Variants in CADPS2 observed in about 807,000 individuals in gnomAD.
CADPS2 encodes the protein calcium-dependent secretion activator 2.
CADPS2 carries 93 observed loss-of-function variants against 172.5 expected under a neutral mutation model. The ratio of observed to expected loss-of-function variants is 0.54; its 90% CI spans 0.46 to 0.64. The LOEUF is 0.64. Ranked by LOEUF, CADPS2 falls within the 30% of genes least tolerant of loss-of-function variation. The pLI, the probability that CADPS2 is intolerant of heterozygous loss-of-function variation, is 0.00. For synonymous variants in CADPS2, 546 were observed against 555.2 expected (o/e 0.98, Z 0.23); for missense variants, 1,420 against 1,565.9 (o/e 0.91, Z 1.57).
chr7:122,849,244 G>GC, intron 1 of CADPS2, among the ~76,000 whole-genome samples: 1 of 152,280 alleles, frequency 6.6e-6, no homozygotes, highest in South Asian at 2.1e-4. Context: ...TACAAAGAAC[G>GC]TTGGAACATT....
chr7:122,541,864 TA>T (rs1563649437), intron 8 of CADPS2, among the ~76,000 whole-genome samples: 17 of 130,604 alleles, frequency 1.3e-4, no homozygotes, highest in African/African-American at 3.8e-4. Context: ...TATTTATATA[TA>T]TGCATATATA....
At chr7:122,385,593 GT>G (rs1442037024) in intron 24 of CADPS2, among the ~76,000 whole-genome samples, 1 of 152,022 alleles carries the variant, frequency 6.6e-6, no homozygotes, top group Non-Finnish European at 1.5e-5. Context: ...GTATACACTA[GT>G]CAATCCTTTA....
intron 1 of CADPS2, among the ~76,000 whole-genome samples, chr7:122,749,350 A>G (rs1008166731): frequency 2.0e-5 from 3 of 152,086 alleles, no homozygotes; most frequent in African/African-American, 7.2e-5. Context: ...GATTTGTGAG[A>G]GAAGAAGGGT....
intron 1 of CADPS2, among the ~76,000 whole-genome samples, chr7:122,764,437 G>A (rs1195535225): frequency 1.3e-5 from 2 of 152,092 alleles, no homozygotes; most frequent in Non-Finnish European, 2.9e-5. Context: ...TTCCTACAAT[G>A]TGCCAAGCGT....
At chr7:122,547,073 TG>T (rs1388026571) in intron 8 of CADPS2, among the ~76,000 whole-genome samples, 1 of 136,324 alleles carries the variant, frequency 7.3e-6, no homozygotes, top group Non-Finnish European at 1.6e-5. Context: ...AAATCTAGGG[TG>T]TTTTTTTTTT....
At chr7:122,771,247 A>G (rs1198665512) in intron 1 of CADPS2, among the ~76,000 whole-genome samples, 5 of 152,204 alleles carry the variant, frequency 3.3e-5, no homozygotes, top group Non-Finnish European at 7.3e-5. Context: ...GTTGAAAGTC[A>G]CTGAAGGATT....
chr7:122,350,035 A>G (rs1057353224), intron 27 of CADPS2, among the ~76,000 whole-genome samples: 2 of 152,250 alleles, frequency 1.3e-5, no homozygotes, highest in African/African-American at 4.8e-5. Flanking sequence ...TAGAAGCTAC[A>G]GTGTAATTGA....
At chr7:122,776,398 G>A (rs1368309009) in intron 1 of CADPS2, among the ~76,000 whole-genome samples, 1 of 151,978 alleles carries the variant, frequency 6.6e-6, no homozygotes, top group Non-Finnish European at 1.5e-5. Context: ...TCTTTATAAA[G>A]TAACTACAAC....
At chr7:122,734,601 CATAA>C (rs1382529387) in intron 2 of CADPS2, among the ~76,000 whole-genome samples, 3 of 151,518 alleles carry the variant, frequency 2.0e-5, no homozygotes, top group African/African-American at 4.8e-5. Context: ...AGTAATAATA[CATAA>C]ATAAAACATA....
chr7:122,793,298 A>G (rs1795663924), intron 1 of CADPS2, among the ~76,000 whole-genome samples: 1 of 152,300 alleles, frequency 6.6e-6, no homozygotes, highest in African/African-American at 2.4e-5. Context: ...TGCTTTATGA[A>G]TCTGGGTGCT....
intron 2 of CADPS2, among the ~76,000 whole-genome samples, chr7:122,710,135 G>A (rs1779697841): frequency 6.6e-6 from 1 of 150,712 alleles, no homozygotes; most frequent in African/African-American, 2.4e-5. Context: ...GTTTGCATAT[G>A]CATTGCCTTC....
intron 1 of CADPS2, among the ~76,000 whole-genome samples, chr7:122,871,044 A>G (rs977421992): frequency 6.6e-6 from 1 of 152,032 alleles, no homozygotes; most frequent in African/African-American, 2.4e-5. Flanking sequence ...TTATTGATGA[A>G]GATACAGCAA....
intron 2 of CADPS2, among the ~76,000 whole-genome samples, chr7:122,678,848 T>G (rs942258638): frequency 8.4e-6 from 1 of 119,674 alleles, no homozygotes; most frequent in East Asian, 2.5e-4. Flanking sequence ...GGACCTCGAA[T>G]GGAGGGACCA....
intron 1 of CADPS2, among the ~76,000 whole-genome samples, chr7:122,751,323 T>C (rs1360116048): frequency 6.6e-6 from 1 of 151,968 alleles, no homozygotes; most frequent in Non-Finnish European, 1.5e-5. Flanking sequence ...AATTTCTCAT[T>C]AGAAATAATG....
intron 2 of CADPS2, among the ~76,000 whole-genome samples, chr7:122,722,564 C>T (rs950037701): frequency 2.9e-4 from 44 of 150,652 alleles, no homozygotes; most frequent in Non-Finnish European, 5.0e-4. Flanking sequence ...AATGGAAGAA[C>T]ATTCCATGCT....
At chr7:122,597,873 A>G (rs2133385396) in intron 6 of CADPS2, among the ~76,000 whole-genome samples, 1 of 152,166 alleles carries the variant, frequency 6.6e-6, no homozygotes, top group South Asian at 2.1e-4. Context: ...ATGAGAGCAT[A>G]CAGAACTTTT....
chr7:122,447,031 C>CTTT (rs71530096), intron 15 of CADPS2, among the ~76,000 whole-genome samples: 52 of 78,374 alleles, frequency 6.6e-4, no homozygotes, highest in Non-Finnish European at 9.7e-4. Context: ...GTAGCTCCCT[C>CTTT]TTTTTTTTTT....
At chr7:122,676,725 G>A (rs1049040360) in intron 2 of CADPS2, 2 of 1,544,888 alleles carry the variant, frequency 1.3e-6, no homozygotes, top group African/African-American at 2.7e-5. Context: ...AGGACATGGG[G>A]CCAACTCAGA....
chr7:122,452,220 G>A (rs913138756), intron 14 of CADPS2, among the ~76,000 whole-genome samples: 2 of 152,154 alleles, frequency 1.3e-5, no homozygotes, highest in African/African-American at 4.8e-5. Context: ...TAGGTATCCG[G>A]TTGTACGGCA....
Sources: allele counts gnomAD v4.1 joint callset (sites outside exome capture counted in the v4.1 genomes callset), GRCh38; gene constraint gnomAD v4.1.1; transcripts MANE v1.5; gene names NCBI Gene and HGNC (gene_info 2026-07-23, HGNC 2026-07-21).